The following STIMATE variants were observed in gnomAD, a reference collection of about 807,000 sequenced individuals.
STIMATE encodes the protein STIM activating enhancer.
STIMATE carries 15 observed loss-of-function variants against 36.7 expected under a neutral mutation model. The observed-to-expected ratio is 0.41, with a 90% CI of 0.27 to 0.63. The LOEUF is 0.63. Ranked by LOEUF, STIMATE falls within the 20% of genes least tolerant of loss-of-function variation. The pLI is 0.32. For missense variants in STIMATE, 305 were observed against 397.3 expected (o/e 0.77, Z 1.98); for synonymous variants, 163 against 162.3 (o/e 1.00, Z -0.03).
intron 1 of STIMATE, among the ~76,000 whole-genome samples, chr3:52,859,103 A>G (rs1161162394): frequency 6.6e-6 from 1 of 151,520 alleles, no homozygotes; most frequent in African/African-American, 2.4e-5. Context: ...TGGAGGTTGC[A>G]GTGAGCCAAG....
chr3:52,840,653 G>T, intron 7 of STIMATE, 43 bp from the exon 8 acceptor site: 2 of 1,579,226 alleles, frequency 1.3e-6, no homozygotes, highest in Non-Finnish European at 8.6e-7. Flanking sequence ...CCCCAGCAGG[G>T]CCTTCTTCAT....
At chr3:52,851,662 C>A (rs74624569) in intron 3 of STIMATE, among the ~76,000 whole-genome samples, 2 of 151,944 alleles carry the variant, frequency 1.3e-5, no homozygotes, top group South Asian at 2.1e-4. Flanking sequence ...CTCTCAGATA[C>A]TTTGTGTCCA....
chr3:52,866,503 C>T (rs994817078), intron 1 of STIMATE, among the ~76,000 whole-genome samples: 5 of 152,246 alleles, frequency 3.3e-5, no homozygotes, highest in African/African-American at 4.8e-5. Flanking sequence ...TGTGGTGGTG[C>T]TCACTCTCCC....
Position 52,837,014 on chromosome 3 carries a change from C to A in STIMATE, c.*3480G>T, listed in dbSNP as rs1005701880. On this transcript the variant is annotated 3_prime_UTR_variant, in exon 8 of 8. Transcript: ENST00000355083. The stretch of plus-strand genomic sequence containing the variant: ...CTCAAGGTGCTTGTGGCAAGTCAGA[C>A]CATAAGTCCCTTACCAAAAGCCAAG... 28 of 179,896 alleles carry A rather than the reference C, an allele frequency of 1.6e-4. No homozygotes were observed. The highest frequency in any genetic ancestry group is 1.1e-4 in the Non-Finnish European group (9 of 84,320). The allele number at this position is 179,896 out of a possible 1,614,324, so 11.1% of individuals were successfully genotyped here. A position where few individuals can be genotyped will look rare whatever the true frequency, so the allele number is the denominator to read the frequency against.
chr3:52,879,499 G>A (rs1420094374), intron 1 of STIMATE, among the ~76,000 whole-genome samples: 1 of 152,184 alleles, frequency 6.6e-6, no homozygotes, highest in Non-Finnish European at 1.5e-5. Flanking sequence ...AGGACCAGGA[G>A]GGAAGAACAA....
At chr3:52,867,149 T>A (rs570951837) in intron 1 of STIMATE, among the ~76,000 whole-genome samples, 26 of 152,290 alleles carry the variant, frequency 1.7e-4, no homozygotes, top group South Asian at 1.0e-3. Flanking sequence ...AAGAGGCTCA[T>A]GAACCTGGCA....
At chr3:52,883,118 T>C (rs1023573976) in intron 1 of STIMATE, among the ~76,000 whole-genome samples, 2 of 152,232 alleles carry the variant, frequency 1.3e-5, no homozygotes, top group African/African-American at 4.8e-5. Context: ...GAATGGTCAT[T>C]ACCAGGTTTG....
intron 1 of STIMATE, among the ~76,000 whole-genome samples, chr3:52,859,370 T>C (rs1701166391): frequency 6.7e-6 from 1 of 148,494 alleles, no homozygotes; most frequent in Non-Finnish European, 1.5e-5. Context: ...CATAAGTGAC[T>C]ATTAACAAAG....
intron 1 of STIMATE, among the ~76,000 whole-genome samples, chr3:52,883,955 G>A (rs1413967390): frequency 6.6e-6 from 1 of 152,002 alleles, no homozygotes; most frequent in Non-Finnish European, 1.5e-5. Context: ...TACCTAACCT[G>A]TCTAGAAATT....
chr3:52,856,515 T>C (rs1274493228), intron 1 of STIMATE, among the ~76,000 whole-genome samples: 2 of 151,716 alleles, frequency 1.3e-5, no homozygotes, highest in African/African-American at 4.8e-5. Flanking sequence ...ACCACGTCTC[T>C]ACAAAATATT....
intron 4 of STIMATE, 80 bp from the exon 5 acceptor site, chr3:52,845,021 C>A: frequency 2.1e-6 from 3 of 1,460,922 alleles, no homozygotes; most frequent in South Asian, 2.4e-5. Context: ...CTCCCCCACA[C>A]GCACCCCAGA....
intron 7 of STIMATE, chr3:52,841,819 A>C (rs1333808592): frequency 6.6e-6 from 1 of 152,236 alleles, no homozygotes; most frequent in Non-Finnish European, 1.5e-5. Flanking sequence ...ATTTCACACT[A>C]TGGCCCAGAC....
At chr3:52,879,664 C>T (rs922859811) in intron 1 of STIMATE, among the ~76,000 whole-genome samples, 1 of 152,320 alleles carries the variant, frequency 6.6e-6, no homozygotes, top group Middle Eastern at 3.4e-3. Flanking sequence ...GTTCATCTCT[C>T]TACTTAGATC....
At chr3:52,890,469 G>A (rs2106734424) in intron 1 of STIMATE, among the ~76,000 whole-genome samples, 1 of 152,388 alleles carries the variant, frequency 6.6e-6, no homozygotes, top group Non-Finnish European at 1.5e-5. Context: ...GACATTTTTG[G>A]TTGTCACAAT....
intron 1 of STIMATE, among the ~76,000 whole-genome samples, chr3:52,870,426 A>G (rs1396559325): frequency 6.6e-6 from 1 of 152,002 alleles, no homozygotes; most frequent in Non-Finnish European, 1.5e-5. Flanking sequence ...AACGGACCCA[A>G]GAGATATCAA....
chr3:52,850,641 C>G (rs1388998125), intron 3 of STIMATE, among the ~76,000 whole-genome samples: 1 of 152,240 alleles, frequency 6.6e-6, no homozygotes, highest in Non-Finnish European at 1.5e-5. Flanking sequence ...TTCAGGAAAA[C>G]AGCCTCTCGG....
At chr3:52,892,531 T>C (rs758753046) in intron 1 of STIMATE, among the ~76,000 whole-genome samples, 4 of 152,166 alleles carry the variant, frequency 2.6e-5, no homozygotes, top group Non-Finnish European at 5.9e-5. Flanking sequence ...GCGACACTGA[T>C]TGAGTTTGTG....
intron 2 of STIMATE, among the ~76,000 whole-genome samples, chr3:52,854,958 ATGCT>A (rs1437723474): frequency 6.6e-6 from 1 of 152,238 alleles, no homozygotes; most frequent in Non-Finnish European, 1.5e-5. Flanking sequence ...GTTTTCCTTT[ATGCT>A]AGGACCAAGA....
At chr3:52,891,550 C>T (rs1218973956) in intron 1 of STIMATE, among the ~76,000 whole-genome samples, 1 of 152,306 alleles carries the variant, frequency 6.6e-6, no homozygotes. Context: ...GAGGGCCCTG[C>T]CGGTAAAAAC....
Sources: allele counts gnomAD v4.1 joint callset (sites outside exome capture counted in the v4.1 genomes callset), GRCh38; gene constraint gnomAD v4.1.1; transcripts MANE v1.5; gene names NCBI Gene and HGNC (gene_info 2026-07-23, HGNC 2026-07-21).